SEMA6D: variants seen among roughly 807,000 people sequenced by gnomAD.
The protein encoded by SEMA6D is semaphorin-6D.
A neutral mutation model predicts 106.6 loss-of-function variants in SEMA6D; 35 were observed. The ratio of observed to expected loss-of-function variants is 0.33; its 90% confidence interval spans 0.25 to 0.44. SEMA6D has a LOEUF of 0.44. Among genes scored for constraint, SEMA6D ranks in the 20% least tolerant of loss-of-function variants. SEMA6D has a pLI of 1.00. For synonymous variants in SEMA6D, 499 were observed against 487.7 expected (o/e 1.02, Z -0.31); for missense variants, 1,185 against 1,345.9 (o/e 0.88, Z 1.87).
chr15:47,251,976 C>T (rs1428473797), intron 1 of SEMA6D, among the ~76,000 whole-genome samples: 2 of 119,712 alleles, frequency 1.7e-5, no homozygotes, highest in African/African-American at 3.4e-5. Context: ...AGTGCAGTGG[C>T]GCGATCTCGG....
At chr15:47,672,339 G>T (rs2078153593) in intron 4 of SEMA6D, among the ~76,000 whole-genome samples, 1 of 152,028 alleles carries the variant, frequency 6.6e-6, no homozygotes, top group Non-Finnish European at 1.5e-5. Flanking sequence ...TTCCCTATCG[G>T]AAACAGATTC....
At chr15:47,365,890 G>GAGGGAGAGAGAGA (rs1346586280) in intron 1 of SEMA6D, among the ~76,000 whole-genome samples, 3 of 119,746 alleles carry the variant, frequency 2.5e-5, no homozygotes, top group Non-Finnish European at 4.9e-5. Flanking sequence ...GAGAGAGAGA[G>GAGGGAGAGAGAGA]GAGAGAGAGA....
chr15:47,602,054 C>T (rs1898113), intron 4 of SEMA6D, among the ~76,000 whole-genome samples: 151,079 of 152,322 alleles, frequency 0.99, 74,932 homozygotes, highest in Middle Eastern at 1. Context: ...ATATTTTTTA[C>T]TTAAACAAAA....
chr15:47,730,026 T>A (rs1596824566), intron 1 of SEMA6D: 1 of 561,818 alleles, frequency 1.8e-6, no homozygotes, highest in East Asian at 3.1e-5. Flanking sequence ...AGTAGTGAGA[T>A]CCCTTAATGC....
chr15:47,344,798 T>C lies in SEMA6D; in HGVS notation c.-238-67595T>C, dbSNP rs143866322. Reference sequence around the variant, plus strand: ...CTTTTGTTTGCAGACAACATAAATATCTATGTAGAAAATCTAGTGGAAAAA... The same window carrying C: ...CTTTTGTTTGCAGACAACATAAATACCTATGTAGAAAATCTAGTGGAAAAA... On this transcript the variant is annotated intron_variant, in intron 1 of 19. Coordinates refer to the SEMA6D transcript ENST00000558014. Among the ~76,000 whole-genome samples the C allele has an allele frequency of 3.8e-3, 586 of 152,282 alleles. 2 individuals are homozygous for C. Among genetic ancestry groups the C allele is most frequent in the African/African-American group, 0.013 (558 of 41,564 alleles).
chr15:47,255,331 CT>C (rs925795076), intron 1 of SEMA6D, among the ~76,000 whole-genome samples: 7 of 151,638 alleles, frequency 4.6e-5, no homozygotes, highest in Non-Finnish European at 8.8e-5. Flanking sequence ...AGTCTTCTCT[CT>C]TTTTTTCTTA....
chr15:47,634,829 G>A (rs1207502293), intron 4 of SEMA6D, among the ~76,000 whole-genome samples: 1 of 151,822 alleles, frequency 6.6e-6, no homozygotes, highest in Non-Finnish European at 1.5e-5. Context: ...TGGGGGCGGG[G>A]TGGAAGTTCA....
At chr15:47,253,839 T>C (rs2033650957) in intron 1 of SEMA6D, among the ~76,000 whole-genome samples, 1 of 152,206 alleles carries the variant, frequency 6.6e-6, no homozygotes, top group Non-Finnish European at 1.5e-5. Flanking sequence ...ATCCGAGGTC[T>C]TTTGTGCTTC....
At chr15:47,573,306 A>C (rs1402748747) in intron 3 of SEMA6D, among the ~76,000 whole-genome samples, 1 of 152,236 alleles carries the variant, frequency 6.6e-6, no homozygotes, top group African/African-American at 2.4e-5. Flanking sequence ...TCTCCAAAAA[A>C]AAATCAGAAA....
intron 1 of SEMA6D, among the ~76,000 whole-genome samples, chr15:47,296,242 G>T (rs2035797068): frequency 6.6e-6 from 1 of 152,178 alleles, no homozygotes; most frequent in Non-Finnish European, 1.5e-5. Context: ...GGAATAATCT[G>T]ATGATGGGTT....
At chr15:47,713,429 T>G (rs1223120534), upstream of SEMA6D, among the ~76,000 whole-genome samples, 10 of 152,220 alleles carry the variant, frequency 6.6e-5, no homozygotes, top group Admixed American at 6.5e-4. Context: ...AGAGTCACTT[T>G]CATATGCAGA....
At chr15:47,707,862 C>T (rs2146016705) in intron 4 of SEMA6D, among the ~76,000 whole-genome samples, 1 of 152,294 alleles carries the variant, frequency 6.6e-6, no homozygotes, top group East Asian at 1.9e-4. Flanking sequence ...TCAATTATCC[C>T]CCCATTAACC....
chr15:47,510,881 T>TTCCATA (rs2044208698), intron 3 of SEMA6D, among the ~76,000 whole-genome samples: 1 of 152,230 alleles, frequency 6.6e-6, no homozygotes, highest in Non-Finnish European at 1.5e-5. Context: ...CATATGGCAC[T>TTCCATA]TGGTTCTTAA....
At chr15:47,502,502 G>A (rs1213666476) in intron 3 of SEMA6D, among the ~76,000 whole-genome samples, 2 of 152,108 alleles carry the variant, frequency 1.3e-5, no homozygotes, top group African/African-American at 2.4e-5. Flanking sequence ...AAGATGTTAC[G>A]CTCCCACCTC....
chr15:47,480,346 C>G (rs968627133), intron 3 of SEMA6D, among the ~76,000 whole-genome samples: 1 of 152,022 alleles, frequency 6.6e-6, no homozygotes, highest in Non-Finnish European at 1.5e-5. Context: ...CACCCAGAAA[C>G]CTTCAATGGT....
At chr15:47,649,508 G>T (rs576848067) in intron 4 of SEMA6D, among the ~76,000 whole-genome samples, 7 of 152,242 alleles carry the variant, frequency 4.6e-5, no homozygotes, top group African/African-American at 1.7e-4. Flanking sequence ...CAGGTGTTGT[G>T]GCATGTGCCT....
intron 1 of SEMA6D, among the ~76,000 whole-genome samples, chr15:47,386,358 T>C (rs901275112): frequency 4.6e-5 from 7 of 152,194 alleles, no homozygotes; most frequent in Non-Finnish European, 8.8e-5. Flanking sequence ...CATCATAAGC[T>C]ACATTTGCCC....
At chr15:47,689,829 A>C (rs1270862692) in intron 4 of SEMA6D, among the ~76,000 whole-genome samples, 4 of 152,216 alleles carry the variant, frequency 2.6e-5, no homozygotes, top group African/African-American at 4.8e-5. Flanking sequence ...CTTCCATGAC[A>C]GTCTGATGAA....
chr15:47,245,937 T>A (rs1024781382), intron 1 of SEMA6D, among the ~76,000 whole-genome samples: 2 of 152,114 alleles, frequency 1.3e-5, no homozygotes, highest in Non-Finnish European at 1.5e-5. Context: ...AAAAAAATCA[T>A]AAACATGCTT....
Sources: gnomAD v4.1 joint callset for allele counts (sites outside exome capture counted in the v4.1 genomes callset) on GRCh38, gnomAD v4.1.1 for gene constraint, MANE v1.5 for transcripts, NCBI Gene and HGNC (gene_info 2026-07-23, HGNC 2026-07-21) for gene names.